DOCK3: variants seen among roughly 807,000 people sequenced by gnomAD.
The protein encoded by DOCK3 is dedicator of cytokinesis protein 3.
Under a neutral mutation model 265.6 loss-of-function variants are expected in DOCK3, and 60 were observed. That is an observed-to-expected ratio of 0.23 (90% confidence interval 0.18 to 0.28). DOCK3 has a LOEUF of 0.28. DOCK3 is among the 10% of genes least tolerant of loss of function. The probability of loss-of-function intolerance (pLI) is 1.00; values close to 1 mark genes in which losing one functional copy is unlikely to be tolerated. For synonymous variants in DOCK3, 881 were observed against 938.0 expected (o/e 0.94, Z 1.11); for missense variants, 1,981 against 2,594.3 (o/e 0.76, Z 5.14).
intron 9 of DOCK3, among the ~76,000 whole-genome samples, chr3:51,107,163 C>T (rs1454299538): frequency 6.6e-6 from 1 of 152,080 alleles, no homozygotes; most frequent in Non-Finnish European, 1.5e-5. Flanking sequence ...CACAATCAAA[C>T]CCCCAAGGTC....
intron 2 of DOCK3, among the ~76,000 whole-genome samples, chr3:50,828,929 G>T (rs1399236059): frequency 6.6e-6 from 1 of 151,500 alleles, no homozygotes; most frequent in Non-Finnish European, 1.5e-5. Context: ...GGTCAGACTG[G>T]TCTCGAACTC....
chr3:50,901,329 A>G (rs1201817647), intron 4 of DOCK3, among the ~76,000 whole-genome samples: 1 of 152,128 alleles, frequency 6.6e-6, no homozygotes, highest in African/African-American at 2.4e-5. Flanking sequence ...TCCCCCCACC[A>G]AGCTCGAGTG....
chr3:51,015,544 G>A (rs1289299024), intron 5 of DOCK3, among the ~76,000 whole-genome samples: 1 of 150,096 alleles, frequency 6.7e-6, no homozygotes, highest in Non-Finnish European at 1.5e-5. Context: ...ATTTTGTTGA[G>A]GATTTTTGTG....
At chr3:51,030,449 C>T (rs1392240421) in intron 5 of DOCK3, among the ~76,000 whole-genome samples, 1 of 152,124 alleles carries the variant, frequency 6.6e-6, no homozygotes, top group Admixed American at 6.5e-5. Context: ...TTTGATATGG[C>T]AGCATTATAG....
chr3:50,993,173 T>A (rs2078170537), intron 5 of DOCK3, among the ~76,000 whole-genome samples: 1 of 152,202 alleles, frequency 6.6e-6, no homozygotes. Flanking sequence ...TGGGACCTCC[T>A]ATAAGACTCT....
chr3:51,381,375 C>A lies in DOCK3; in HGVS notation c.5909C>A (p.Pro1970Gln), dbSNP rs1379383799. ...GCVIPQDPMD[P>Q]PALPPKPYHP... ...GTCATCCCTCAGGACCCCATGGACCCGCCTGCGCTGCCGCCCAAGCCCTAC... is the reference window on the plus strand; with the variant it reads ...GTCATCCCTCAGGACCCCATGGACCAGCCTGCGCTGCCGCCCAAGCCCTAC... The change falls in exon 53 of 53, where the codon CCG becomes CAG. Residue 1970 changes from proline to glutamine, a missense_variant. Around this residue, in one of 4 missense-constraint regions of DOCK3, gnomAD observed 149 missense variants for 144.7 expected, o/e 1.03. Transcript: ENST00000266037. The surrounding 1 kb of genome is among the most constrained non-coding windows in gnomAD (Gnocchi z 5.6). The A allele has an allele frequency of 6.2e-7, 1 of 1,612,732 alleles. No homozygotes were observed. The highest frequency in any genetic ancestry group is 2.2e-5 in the East Asian group (1 of 44,892).
intron 1 of DOCK3, among the ~76,000 whole-genome samples, chr3:50,742,246 A>C (rs974974004): frequency 6.6e-6 from 1 of 152,174 alleles, no homozygotes; most frequent in Non-Finnish European, 1.5e-5. Flanking sequence ...AAGATGGGGA[A>C]AAAACAGAGC....
In DOCK3 at chr3:51,312,591, T is replaced by C; in HGVS notation, c.3194+15T>C. The C allele has an allele frequency of 6.4e-7, 1 of 1,566,672 alleles. No individual in the cohort carries two copies. The highest frequency in any genetic ancestry group is 8.6e-7 in the Non-Finnish European group (1 of 1,161,900). On this transcript the variant is annotated intron_variant, in intron 30 of 52. Coordinates refer to ENST00000266037, the MANE Select transcript of DOCK3 (RefSeq NM_004947.5). The stretch of plus-strand genomic sequence containing the variant: ...ATTCTAGATAAGTAAGATAAACGTC[T>C]TATATTCATCTCCTTACCACTTGGC...
intron 13 of DOCK3, 105 bp from the exon 14 acceptor site, chr3:51,214,017 T>G: frequency 6.7e-7 from 1 of 1,484,908 alleles, no homozygotes; most frequent in South Asian, 1.2e-5. Context: ...TCAAGAATTT[T>G]GCTGAACTTT....
chr3:50,758,179 AAAAAAAAAAAAAAAAAAG>A (rs1286205046), intron 1 of DOCK3, among the ~76,000 whole-genome samples: 1 of 82,172 alleles, frequency 1.2e-5, no homozygotes, highest in Non-Finnish European at 2.9e-5. Context: ...CTCTGTCTCA[AAAAAAAAAAAAAAAAAAG>A]AAAAAAAAAA....
intron 14 of DOCK3, among the ~76,000 whole-genome samples, chr3:51,214,685 A>G (rs1445543864): frequency 6.6e-6 from 1 of 152,236 alleles, no homozygotes; most frequent in Admixed American, 6.5e-5. Context: ...TAGGAATAGC[A>G]GATACATTTC....
At chr3:50,680,215 CTTT>C (rs771036444) in intron 1 of DOCK3, among the ~76,000 whole-genome samples, 2 of 136,202 alleles carry the variant, frequency 1.5e-5, no homozygotes, top group Non-Finnish European at 1.6e-5. Flanking sequence ...CTTTTTCTTT[CTTT>C]TTTTTTTTTT....
chr3:51,054,657 A>T (rs763107622), intron 5 of DOCK3, among the ~76,000 whole-genome samples: 8 of 152,102 alleles, frequency 5.3e-5, no homozygotes, highest in Admixed American at 2.0e-4. Flanking sequence ...CCATTTATCT[A>T]TTGGATTGCA....
At chr3:51,229,870 G>A (rs1490951918) in intron 19 of DOCK3, among the ~76,000 whole-genome samples, 1 of 152,158 alleles carries the variant, frequency 6.6e-6, no homozygotes, top group African/African-American at 2.4e-5. Flanking sequence ...TCACAAAGTA[G>A]AATGATTGCA....
intron 9 of DOCK3, among the ~76,000 whole-genome samples, chr3:51,127,663 T>C (rs937229572): frequency 3.3e-5 from 5 of 152,234 alleles, no homozygotes; most frequent in African/African-American, 7.2e-5. Context: ...TCATGACAAT[T>C]ACAGTCCTCG....
intron 10 of DOCK3, among the ~76,000 whole-genome samples, chr3:51,147,910 C>A (rs950831663): frequency 6.6e-6 from 1 of 152,162 alleles, no homozygotes; most frequent in Non-Finnish European, 1.5e-5. Flanking sequence ...CTTGAGGAAT[C>A]GCCACACTAT....
At chr3:51,018,927 A>G (rs1225338079) in intron 5 of DOCK3, among the ~76,000 whole-genome samples, 3 of 151,902 alleles carry the variant, frequency 2.0e-5, no homozygotes, top group Non-Finnish European at 4.4e-5. Context: ...ATATATTGTT[A>G]GAAATATAGT....
At chr3:51,124,524 G>A (rs1683102728) in intron 9 of DOCK3, among the ~76,000 whole-genome samples, 1 of 152,188 alleles carries the variant, frequency 6.6e-6, no homozygotes. Flanking sequence ...GGCCATGGCA[G>A]AAAGGATAGA....
In DOCK3 at chr3:51,348,859, A is replaced by G; in HGVS notation, c.3923A>G (p.Glu1308Gly). The G allele has an allele frequency of 6.3e-7, 1 of 1,577,850 alleles. No individual in the cohort carries two copies. The highest frequency in any genetic ancestry group is 8.6e-7 in the Non-Finnish European group (1 of 1,161,570). ...IHYFNKGKSW[E>G]FGIPLCRELA... ...TTTCTGTTTCTGACACAGAGCTGGG[A>G]GTTTGGGATCCCACTGTGCAGGGAG... Residue 1308 changes from glutamate to glycine, a missense_variant, in exon 39 of 53, where the codon GAG becomes GGG. Around this residue, in one of 4 missense-constraint regions of DOCK3, gnomAD observed 1,357 missense variants for 1,866.8 expected, o/e 0.73. Transcript: ENST00000266037.
Sources: allele counts gnomAD v4.1 joint callset (sites outside exome capture counted in the v4.1 genomes callset), GRCh38; gene constraint gnomAD v4.1.1; regional missense constraint gnomAD v4.1.1; non-coding constraint Gnocchi (gnomAD v3.1); transcripts MANE v1.5; gene names NCBI Gene and HGNC (gene_info 2026-07-23, HGNC 2026-07-21).